CREBBP: variants seen among roughly 807,000 people sequenced by gnomAD.
CREBBP encodes CREB-binding protein.
A neutral mutation model predicts 265.0 loss-of-function variants in CREBBP; 19 were observed. The ratio of observed to expected loss-of-function variants is 0.07; its 90% CI spans 0.05 to 0.11. The LOEUF (loss-of-function observed/expected upper bound fraction) is 0.11. CREBBP is among the 10% of genes least tolerant of loss of function. CREBBP has a pLI of 1.00. For synonymous variants in CREBBP, 1,457 were observed against 1,223.7 expected (o/e 1.19, Z -3.98); for missense variants, 2,525 against 3,219.0 (o/e 0.78, Z 5.22).
At chr16:3,855,435 T>C (rs1488922268) in intron 1 of CREBBP, among the ~76,000 whole-genome samples, 2 of 152,138 alleles carry the variant, frequency 1.3e-5, no homozygotes, top group East Asian at 3.9e-4. Flanking sequence ...CGGCTAACGT[T>C]TGTATTTTTA....
intron 2 of CREBBP, among the ~76,000 whole-genome samples, chr16:3,843,939 G>C (rs1180044012): frequency 6.6e-6 from 1 of 151,338 alleles, no homozygotes; most frequent in Non-Finnish European, 1.5e-5. Flanking sequence ...ACGAGGTCAG[G>C]AGATCGAGAC....
At chr16:3,773,431 G>A (rs2053062063) in intron 13 of CREBBP, among the ~76,000 whole-genome samples, 1 of 152,078 alleles carries the variant, frequency 6.6e-6, no homozygotes, top group South Asian at 2.1e-4. Flanking sequence ...TCAGGGTCAC[G>A]TTAAAGTTAG....
At chr16:3,831,660 G>C (rs1392745028) in intron 2 of CREBBP, among the ~76,000 whole-genome samples, 1 of 152,034 alleles carries the variant, frequency 6.6e-6, no homozygotes, top group African/African-American at 2.4e-5. Context: ...AGAAAAACAA[G>C]AGAGCACACC....
Position 3,729,377 on chromosome 16 carries a change from G to A in CREBBP, c.5670C>T (p.Pro1890=), listed in dbSNP as rs115594471. The change falls in exon 31 of 31, where the codon CCC becomes CCT. Residue 1890 remains proline, a synonymous_variant. Coordinates refer to ENST00000262367, the MANE Select transcript of CREBBP (RefSeq NM_004380.3). Reference sequence around the variant, plus strand: ...TGCTGGGCTGCTGTGTGGGGGTCCCGGGCGGTGCTGAGGTAGGAGAAGGCA... The same window carrying A: ...TGCTGGGCTGCTGTGTGGGGGTCCCAGGCGGTGCTGAGGTAGGAGAAGGCA... ...QSLPSPTSAP[P]GTPTQQPSTP... 3.1e-3 allele frequency: 4,994 copies of A among 1,609,474 alleles called. 107 individuals are homozygous for A. The African/African-American group carries it at 0.049, about 16-fold the overall frequency.
rs1289765861 is a variant in CREBBP at position 3,778,050 on chromosome 16, G to A, written c.2074C>T (p.Pro692Ser). The change falls in exon 10 of 31, where the codon CCC becomes TCC. Residue 692 changes from proline to serine, a missense_variant. By Grantham distance (74) the Pro-to-Ser change is moderately conservative (BLOSUM62 -1). Transcript: ENST00000262367. ...GGTTGTGCCTGTGGAATCACAGGGG[G>A]CTGAGCCCCCGGGGCTGGTAAGGCT... is the stretch of plus-strand genomic sequence containing the variant. ...QPALPAPGAQ[P>S]PVIPQAQPVR... is the part of the protein sequence containing the mutation. 6.2e-7 allele frequency: 1 copy of A among 1,614,134 alleles called. No individual in the cohort carries two copies. The highest frequency in any genetic ancestry group is 1.3e-5 in the African/African-American group (1 of 74,938).
At chr16:3,877,343 C>T (rs142298300) in intron 1 of CREBBP, among the ~76,000 whole-genome samples, 33 of 152,312 alleles carry the variant, frequency 2.2e-4, no homozygotes, top group African/African-American at 7.0e-4. Context: ...AAATACATCC[C>T]TAAGATCTCT....
At chr16:3,876,568 CAACT>C (rs1230612517) in intron 1 of CREBBP, among the ~76,000 whole-genome samples, 2 of 151,988 alleles carry the variant, frequency 1.3e-5, no homozygotes, top group Non-Finnish European at 2.9e-5. Context: ...CCAAAACACC[CAACT>C]AACTATATAC....
At chr16:3,870,034 T>C (rs1031661302) in intron 1 of CREBBP, among the ~76,000 whole-genome samples, 28 of 152,152 alleles carry the variant, frequency 1.8e-4, no homozygotes, top group African/African-American at 6.8e-4. Flanking sequence ...TGTTATGTCT[T>C]TTTGTTATTT....
chr16:3,877,869 T>C (rs537286985), intron 1 of CREBBP, among the ~76,000 whole-genome samples: 56 of 152,346 alleles, frequency 3.7e-4, no homozygotes, highest in African/African-American at 1.3e-3. Context: ...AAGCTGACTT[T>C]TGGTCCCACG....
At chr16:3,766,223 GT>G (rs1456978310) in intron 16 of CREBBP, among the ~76,000 whole-genome samples, 3 of 152,156 alleles carry the variant, frequency 2.0e-5, no homozygotes, top group Non-Finnish European at 4.4e-5. Flanking sequence ...ATAGATTCTG[GT>G]TCAATGTCGC....
At chr16:3,807,284 A>C (rs1467422900) in intron 3 of CREBBP, among the ~76,000 whole-genome samples, 2 of 152,186 alleles carry the variant, frequency 1.3e-5, no homozygotes, top group African/African-American at 4.8e-5. Context: ...CACGTGGCTA[A>C]ATCACTCCAG....
intron 5 of CREBBP, among the ~76,000 whole-genome samples, chr16:3,791,740 A>T (rs942635421): frequency 3.3e-5 from 5 of 152,188 alleles, no homozygotes; most frequent in Admixed American, 1.3e-4. Flanking sequence ...GCATGTATGC[A>T]GGGGGCAGGG....
intron 5 of CREBBP, among the ~76,000 whole-genome samples, chr16:3,785,951 T>C (rs944759098): frequency 1.3e-5 from 2 of 152,192 alleles, no homozygotes; most frequent in Non-Finnish European, 2.9e-5. Context: ...CCCCTTCTGA[T>C]GTTGCTGAAG....
chr16:3,871,248 A>G (rs2055293751), intron 1 of CREBBP, among the ~76,000 whole-genome samples: 2 of 151,110 alleles, frequency 1.3e-5, no homozygotes, highest in Admixed American at 1.3e-4. Context: ...ACCCTGCAAA[A>G]CTCAAATGTG....
In CREBBP at chr16:3,727,686, C is replaced by G. The variant is rs554483949; in HGVS notation, c.*32G>C. ...ATTTTCAGTACAAAAGGTCCAAGAACATGAAAGGGAAAAGGTGATGCTCTC... is the reference window on the plus strand; with the variant it reads ...ATTTTCAGTACAAAAGGTCCAAGAAGATGAAAGGGAAAAGGTGATGCTCTC... On this transcript the variant is annotated 3_prime_UTR_variant, in exon 31 of 31. Coordinates refer to ENST00000262367, the MANE Select transcript of CREBBP (RefSeq NM_004380.3). 5.7e-5 allele frequency: 92 copies of G among 1,612,958 alleles called. No individual in the cohort carries two copies. The South Asian group carries it at 9.7e-4, about 17-fold the overall frequency.
At chr16:3,856,738 G>T (rs2054972415) in intron 1 of CREBBP, among the ~76,000 whole-genome samples, 4 of 152,206 alleles carry the variant, frequency 2.6e-5, no homozygotes. Context: ...TTTCTGTCCA[G>T]GGCGAGGATG....
chr16:3,847,591 C>T (rs2054694312), intron 2 of CREBBP, among the ~76,000 whole-genome samples: 2 of 152,228 alleles, frequency 1.3e-5, no homozygotes, highest in African/African-American at 4.8e-5. Context: ...TAACGAGGCT[C>T]ACTTTCCAGT....
At chr16:3,807,538 G>A (rs2053854339) in intron 3 of CREBBP, among the ~76,000 whole-genome samples, 1 of 152,226 alleles carries the variant, frequency 6.6e-6, no homozygotes, top group African/African-American at 2.4e-5. Context: ...AAACACATCT[G>A]AGGAACTGCA....
chr16:3,750,967 G>A (rs2151371893), intron 20 of CREBBP, among the ~76,000 whole-genome samples: 1 of 152,300 alleles, frequency 6.6e-6, no homozygotes, highest in East Asian at 1.9e-4. Flanking sequence ...CGGGCATGGT[G>A]GCCCCAGCAC....
Sources: gnomAD v4.1 joint callset for allele counts (sites outside exome capture counted in the v4.1 genomes callset) on GRCh38, gnomAD v4.1.1 for gene constraint, MANE v1.5 for transcripts, NCBI Gene and HGNC (gene_info 2026-07-23, HGNC 2026-07-21) for gene names.